GRM4: variants seen among roughly 807,000 people sequenced by gnomAD.
GRM4 encodes the protein metabotropic glutamate receptor 4.
In GRM4, 28 loss-of-function variants were observed where a neutral mutation model predicts 81.7. The ratio of observed to expected loss-of-function variants is 0.34; its 90% confidence interval spans 0.25 to 0.47. The LOEUF (loss-of-function observed/expected upper bound fraction) is 0.47. GRM4 is among the 20% of genes least tolerant of loss of function. The pLI, the probability that GRM4 is intolerant of heterozygous loss-of-function variation, is 1.00. For synonymous variants in GRM4, 488 were observed against 528.8 expected (o/e 0.92, Z 1.06); for missense variants, 948 against 1,290.0 (o/e 0.73, Z 4.06).
chr6:34,112,230 G>A (rs555308877), intron 2 of GRM4, among the ~76,000 whole-genome samples: 6 of 152,250 alleles, frequency 3.9e-5, no homozygotes, highest in South Asian at 2.1e-4. Context: ...GATAAAACAC[G>A]GAATTAAATT....
rs940829337 is a variant in GRM4 at position 34,114,353 on chromosome 6, A to C, written c.519+18625T>G. Among the ~76,000 whole-genome samples the C allele has an allele frequency of 6.6e-6, 1 of 152,120 alleles. No individual in the cohort carries two copies. Among genetic ancestry groups the C allele is most frequent in the Non-Finnish European group, 1.5e-5 (1 of 68,028 alleles). On this transcript the variant is annotated intron_variant, in intron 2 of 10. Coordinates refer to ENST00000538487, the MANE Select transcript of GRM4 (RefSeq NM_000841.4). This position sits in a 1 kb window ranked among gnomAD's most constrained non-coding sequence, Gnocchi z 4.3. The stretch of plus-strand genomic sequence containing the variant: ...ATTTGGTGGATATATGAACCAATGG[A>C]TGTCACTATGCATAAGGCCATCATC...
At position 34,069,767 on chromosome 6, in the gene GRM4, A is replaced by T. The variant is rs1317508864; in HGVS notation, c.737-7739T>A. Among the ~76,000 whole-genome samples, 3 of 151,868 alleles carry T rather than the reference A, an allele frequency of 2.0e-5. No individual in the cohort carries two copies. The highest frequency in any genetic ancestry group is 7.3e-5 in the African/African-American group (3 of 41,316). The stretch of plus-strand genomic sequence containing the variant: ...ATTTGGATTTACTGCAACATCCAGG[A>T]CTGCCCCAGTCCCCACCAGGATCCA... On this transcript the variant is annotated intron_variant, in intron 3 of 10. Transcript: ENST00000538487. The surrounding 1 kb of genome is among the most constrained non-coding windows in gnomAD (Gnocchi z 6.4).
At chr6:34,120,172 A>G (rs1030676996) in intron 2 of GRM4, among the ~76,000 whole-genome samples, 4 of 152,176 alleles carry the variant, frequency 2.6e-5, no homozygotes, top group Non-Finnish European at 5.9e-5. Context: ...AGTCTCCTCC[A>G]AGGCCACTGA....
chr6:34,056,053 C>T (rs925199426), intron 6 of GRM4: 2 of 153,520 alleles, frequency 1.3e-5, no homozygotes, highest in Admixed American at 6.5e-5. Flanking sequence ...CGTCTGTCTC[C>T]CCATTAGAAT....
At chr6:34,027,365 A>G (rs952999145) in intron 10 of GRM4, among the ~76,000 whole-genome samples, 1 of 152,160 alleles carries the variant, frequency 6.6e-6, no homozygotes, top group Non-Finnish European at 1.5e-5. Context: ...GGCCAGCTCC[A>G]GACCACAGGC....
chr6:34,077,749 T>C (rs190840301), intron 3 of GRM4, among the ~76,000 whole-genome samples: 85 of 152,244 alleles, frequency 5.6e-4, no homozygotes, highest in African/African-American at 1.9e-3. Context: ...CTTCCCAGAC[T>C]CTTTTCTTCA....
chr6:34,077,265 G>A (rs912933536), intron 3 of GRM4, among the ~76,000 whole-genome samples: 7 of 152,096 alleles, frequency 4.6e-5, no homozygotes, highest in African/African-American at 1.7e-4. Context: ...GCCAGGATTT[G>A]CCCGAGGCTG....
At position 34,053,568 on chromosome 6, in the gene GRM4, G is replaced by T. The variant is rs749578328; in HGVS notation, c.1168+2976C>A. 1.3e-5 allele frequency among the ~76,000 whole-genome samples: 2 copies of T among 152,218 alleles called. 1 individual carries two copies. Among genetic ancestry groups the T allele is most frequent in the African/African-American group, 4.8e-5 (2 of 41,456 alleles). ...ATTCGGGTCAGCTGAGACATACCGC[G>T]TCTAGAGCCCCTGCCCTTTTGCTCA... On this transcript the variant is annotated intron_variant, in intron 6 of 10. Coordinates refer to ENST00000538487, the MANE Select transcript of GRM4 (RefSeq NM_000841.4).
At chr6:34,143,964 T>G (rs992395748) in intron 1 of GRM4, among the ~76,000 whole-genome samples, 2 of 152,262 alleles carry the variant, frequency 1.3e-5, no homozygotes, top group Admixed American at 6.5e-5. Context: ...GCCACCGCTC[T>G]GAGAGACACG....
In GRM4 at chr6:34,133,721, G is replaced by T; in HGVS notation, c.-225C>A. ...CCCACAGACAGCAGGCAGTGGCCGG[G>T]GTTGCAGGAAGGCTCTGATCCTTGT... On this transcript the variant is annotated 5_prime_UTR_variant, in exon 2 of 11. Coordinates refer to ENST00000538487, the MANE Select transcript of GRM4 (RefSeq NM_000841.4). The surrounding 1 kb of genome is among the most constrained non-coding windows in gnomAD (Gnocchi z 6.5). 7.7e-7 allele frequency: 1 copy of T among 1,301,308 alleles called. No individual in the cohort carries two copies. The highest frequency in any genetic ancestry group is 3.8e-5 in the Admixed American group (1 of 26,648). 80.6% of individuals were successfully genotyped at this position (1,301,308 alleles called of 1,614,324 possible). A position where few individuals can be genotyped will look rare whatever the true frequency, so the allele number is the denominator to read the frequency against.
chr6:34,102,215 C>A (rs1768879705), intron 2 of GRM4: 3 of 1,462,208 alleles, frequency 2.1e-6, no homozygotes, highest in Non-Finnish European at 1.8e-6. Flanking sequence ...CACACACCAG[C>A]CTTCCTTTGG....
intron 2 of GRM4, among the ~76,000 whole-genome samples, chr6:34,104,424 G>A (rs530510014): frequency 1.3e-5 from 2 of 152,344 alleles, no homozygotes; most frequent in South Asian, 2.1e-4. Context: ...CAAGCACTTC[G>A]TGTGGATTAT....
intron 8 of GRM4, among the ~76,000 whole-genome samples, chr6:34,039,463 C>A (rs1380703602): frequency 1.3e-5 from 2 of 152,068 alleles, no homozygotes; most frequent in Non-Finnish European, 2.9e-5. Context: ...TTATGGCTCA[C>A]CCCTTCCCCT....
chr6:34,137,248 C>T (rs144885702), intron 1 of GRM4, among the ~76,000 whole-genome samples: 4 of 152,348 alleles, frequency 2.6e-5, no homozygotes, highest in African/African-American at 9.6e-5. Flanking sequence ...AGTCTCTCTC[C>T]TCTTCTCTGG....
At position 34,040,204 on chromosome 6, in the gene GRM4, A is replaced by G. The variant is rs1764930284; in HGVS notation, c.1480T>C (p.Ser494Pro). Reference sequence around the variant, plus strand: ...CTAAGGTGCAGGTGGTCAGTCCAGGAGCCAATGACCTTGTACTCGGCAGAA... The same window carrying G: ...CTAAGGTGCAGGTGGTCAGTCCAGGGGCCAATGACCTTGTACTCGGCAGAA... ...NDSAEYKVIGSWTDHLHLRIE... is the reference protein window; with the variant it reads ...NDSAEYKVIGPWTDHLHLRIE... Residue 494 changes from serine to proline, a missense_variant, in exon 8 of 11, where the codon TCC (serine) becomes CCC (proline). Ser to Pro is a moderately conservative substitution (Grantham distance 74). Coordinates refer to ENST00000538487, the MANE Select transcript of GRM4 (RefSeq NM_000841.4). 2 of 1,614,120 alleles carry G rather than the reference A, an allele frequency of 1.2e-6. No homozygotes were observed. Among genetic ancestry groups the G allele is most frequent in the Non-Finnish European group, 1.7e-6 (2 of 1,179,928 alleles).
At chr6:34,065,188 TCAC>T (rs1388938494) in intron 3 of GRM4, among the ~76,000 whole-genome samples, 1 of 152,014 alleles carries the variant, frequency 6.6e-6, no homozygotes, top group Non-Finnish European at 1.5e-5. Flanking sequence ...ACATCCACCA[TCAC>T]CACAGCCCAC....
At position 34,155,060 on chromosome 6, in the gene GRM4, T is replaced by C. The variant is rs1771121488; in HGVS notation, c.312+19A>G. On this transcript the variant is annotated intron_variant, in intron 1 of 8. Coordinates refer to the GRM4 transcript ENST00000374177. ...CCCACGCCCGGGGACACGCCCGGAT[T>C]GAGAGGCTTGTTTTTCACCTGAGCA... The C allele has an allele frequency of 2.0e-6, 3 of 1,487,004 alleles. No homozygotes were observed. The East Asian group carries it at 7.4e-5, about 37-fold the overall frequency. The allele number at this position is 1,487,004 out of a possible 1,614,324, so 92.1% of individuals were successfully genotyped here.
intron 9 of GRM4, among the ~76,000 whole-genome samples, chr6:34,031,615 T>C (rs984230267): frequency 1.4e-4 from 22 of 152,166 alleles, no homozygotes; most frequent in South Asian, 2.1e-4. Context: ...CACACCCTGA[T>C]TGCCTCTGCA....
chr6:34,090,830 G>A lies in GRM4; in HGVS notation c.736+1053C>T, dbSNP rs539700695. ...GCCATGAGGGTATAAATATACAGAC[G>A]CCATCACCCAAGGTCTCGGGCACTG... On this transcript the variant is annotated intron_variant, in intron 3 of 10. Coordinates refer to ENST00000538487, the MANE Select transcript of GRM4 (RefSeq NM_000841.4). The surrounding 1 kb of genome is among the most constrained non-coding windows in gnomAD (Gnocchi z 5.2). Among the ~76,000 whole-genome samples, 2 of 152,260 alleles carry A rather than the reference G, an allele frequency of 1.3e-5. No homozygotes were observed. The highest frequency in any genetic ancestry group is 1.9e-4 in the East Asian group (1 of 5,192).
Sources: gnomAD v4.1 joint callset for allele counts (sites outside exome capture counted in the v4.1 genomes callset) on GRCh38, gnomAD v4.1.1 for gene constraint, Gnocchi (gnomAD v3.1) non-coding constraint, MANE v1.5 for transcripts, NCBI Gene and HGNC (gene_info 2026-07-23, HGNC 2026-07-21) for gene names.